Variants in ARHGAP22 observed in about 807,000 individuals in gnomAD.
ARHGAP22 encodes Rho GTPase activating protein 22.
Under a neutral mutation model 59.1 loss-of-function variants are expected in ARHGAP22, and 48 were observed. The observed-to-expected ratio is 0.81, with a 90% CI of 0.64 to 1.03. ARHGAP22 has a LOEUF of 1.03. Among genes scored for constraint, ARHGAP22 ranks in the 50% least tolerant of loss-of-function variants. ARHGAP22 has a pLI of 0.00. For synonymous variants in ARHGAP22, 445 were observed against 416.4 expected, an observed-to-expected ratio of 1.07 and a Z score of -0.84; for missense variants, 1,015 against 958.7, an observed-to-expected ratio of 1.06 and a Z score of -0.78.
At chr10:48,603,949 C>T (rs1488892436) in intron 1 of ARHGAP22, among the ~76,000 whole-genome samples, 1 of 152,260 alleles carries the variant, frequency 6.6e-6, no homozygotes, top group East Asian at 1.9e-4. Flanking sequence ...CCATCCTCCA[C>T]TTCATTGTTT....
intron 1 of ARHGAP22, among the ~76,000 whole-genome samples, chr10:48,587,887 C>T (rs1481520253): frequency 6.6e-6 from 1 of 152,228 alleles, no homozygotes; most frequent in East Asian, 1.9e-4. Context: ...CAGTCCAGCT[C>T]CTCTGAGCAC....
intron 2 of ARHGAP22, among the ~76,000 whole-genome samples, chr10:48,566,709 C>A (rs888402454): frequency 2.2e-4 from 33 of 152,208 alleles, no homozygotes; most frequent in African/African-American, 6.8e-4. Context: ...ATGAGGCTAT[C>A]CATGGTCCTC....
intron 1 of ARHGAP22, among the ~76,000 whole-genome samples, chr10:48,611,540 T>A (rs1363292790): frequency 6.6e-6 from 1 of 151,820 alleles, no homozygotes; most frequent in Non-Finnish European, 1.5e-5. Context: ...AGGTAAAGAG[T>A]CAGATTTTAG....
chr10:48,465,099 T>C (rs1046198188), intron 4 of ARHGAP22, among the ~76,000 whole-genome samples: 1 of 152,068 alleles, frequency 6.6e-6, no homozygotes, highest in African/African-American at 2.4e-5. Flanking sequence ...CCCGCCTGGC[T>C]GAACTCCCTC....
intron 3 of ARHGAP22, among the ~76,000 whole-genome samples, chr10:48,502,284 TG>T (rs1435869819): frequency 6.6e-6 from 1 of 152,148 alleles, no homozygotes; most frequent in Non-Finnish European, 1.5e-5. Context: ...CAGTACCTCG[TG>T]GGGGAAGGAG....
In ARHGAP22 at chr10:48,450,481, C is replaced by T. The variant is rs2045809015; in HGVS notation, c.1648G>A (p.Glu550Lys). ...RSSLHTDWALEPSPLPSSSED... is the reference protein window; with the variant it reads ...RSSLHTDWALKPSPLPSSSED... Reference sequence around the variant, plus strand: ...CTGCTGCTGGGGAGCGGGGAGGGCTCCAGGGCCCAGTCGGTGTGCAGGGAA... The same window carrying T: ...CTGCTGCTGGGGAGCGGGGAGGGCTTCAGGGCCCAGTCGGTGTGCAGGGAA... Residue 550 changes from glutamate (E) to lysine (K), a missense_variant, in exon 9 of 10, where the codon GAG (glutamate) becomes AAG (lysine). Coordinates refer to ENST00000249601, the MANE Select transcript of ARHGAP22 (RefSeq NM_021226.4). The T allele has an allele frequency of 6.5e-7, 1 of 1,536,700 alleles. No individual in the cohort carries two copies. The highest frequency in any genetic ancestry group is 8.8e-7 in the Non-Finnish European group (1 of 1,140,314).
At chr10:48,490,150 G>T (rs1358218375) in intron 3 of ARHGAP22, among the ~76,000 whole-genome samples, 1 of 152,126 alleles carries the variant, frequency 6.6e-6, no homozygotes, top group Non-Finnish European at 1.5e-5. Context: ...ACCTGTAGGG[G>T]GATGAAACCA....
intron 4 of ARHGAP22, among the ~76,000 whole-genome samples, chr10:48,470,326 C>G (rs1327070399): frequency 6.6e-6 from 1 of 152,228 alleles, no homozygotes; most frequent in Non-Finnish European, 1.5e-5. Flanking sequence ...GACTAGCTTA[C>G]CAGGCTCTCC....
chr10:48,457,256 C>T lies in ARHGAP22; in HGVS notation c.660-2122G>A, dbSNP rs552328268. ...TGACTCGCCTCACTCCCCTAGAGTC[C>T]GTTTCTCATCACCCATCCCCACTTC... On this transcript the variant is annotated intron_variant, in intron 5 of 9. Transcript: ENST00000249601. Among the ~76,000 whole-genome samples the T allele has an allele frequency of 1.1e-4, 16 of 152,236 alleles. No homozygotes were observed. The East Asian group carries it at 2.3e-3, about 22-fold the overall frequency.
chr10:48,542,454 C>T (rs995738700), intron 3 of ARHGAP22, among the ~76,000 whole-genome samples: 6 of 152,214 alleles, frequency 3.9e-5, no homozygotes, highest in Admixed American at 1.3e-4. Context: ...GCCAGTGGAG[C>T]GTATGCTGAG....
At chr10:48,593,857 G>A (rs1354911461) in intron 1 of ARHGAP22, among the ~76,000 whole-genome samples, 1 of 152,176 alleles carries the variant, frequency 6.6e-6, no homozygotes, top group African/African-American at 2.4e-5. Context: ...ATTCTCAGCG[G>A]GTGCTCGTGT....
In ARHGAP22 at chr10:48,459,839, G is replaced by T; in HGVS notation, c.504C>A (p.Gly168=). ...CCACCAGCAGGGGCGCCAGGCGGGG[G>T]CCATACTTCCGCTCGTGGTGGACTG... ...EETVHHERKY[G]PRLAPLLVEQ... is the part of the protein sequence containing the mutation. Residue 168 remains glycine (G), a synonymous_variant, in exon 5 of 10, where the codon GGC becomes GGA. Coordinates refer to ENST00000249601, the MANE Select transcript of ARHGAP22 (RefSeq NM_021226.4). 2 of 1,613,206 alleles carry T rather than the reference G, an allele frequency of 1.2e-6. No homozygotes were observed. Among genetic ancestry groups the T allele is most frequent in the Non-Finnish European group, 1.7e-6 (2 of 1,180,026 alleles).
At chr10:48,587,053 C>T (rs1041869383) in intron 1 of ARHGAP22, among the ~76,000 whole-genome samples, 1 of 152,206 alleles carries the variant, frequency 6.6e-6, no homozygotes, top group Non-Finnish European at 1.5e-5. Context: ...CCTCAGCAGC[C>T]CCGTGTGGAG....
intron 4 of ARHGAP22, among the ~76,000 whole-genome samples, chr10:48,475,633 A>G (rs780082238): frequency 2.0e-4 from 31 of 152,186 alleles, no homozygotes; most frequent in Non-Finnish European, 1.6e-4. Flanking sequence ...GCAGGGGAAT[A>G]CCACTGGCTC....
chr10:48,616,613 G>C (rs935023370), intron 1 of ARHGAP22, among the ~76,000 whole-genome samples: 1 of 152,132 alleles, frequency 6.6e-6, no homozygotes. Context: ...ATACACAAAA[G>C]ATCCTCAGTA....
At chr10:48,491,885 T>C (rs539746374) in intron 3 of ARHGAP22, among the ~76,000 whole-genome samples, 11 of 152,376 alleles carry the variant, frequency 7.2e-5, no homozygotes, top group Admixed American at 7.2e-4. Flanking sequence ...CCGGGAAGTC[T>C]GGCTCCTATC....
chr10:48,506,776 A>T (rs1384676544), intron 3 of ARHGAP22, among the ~76,000 whole-genome samples: 1 of 152,170 alleles, frequency 6.6e-6, no homozygotes, highest in Non-Finnish European at 1.5e-5. Flanking sequence ...TGGTGCCCCT[A>T]GAGTTATGTG....
At chr10:48,569,060 G>A (rs1490481296) in intron 2 of ARHGAP22, among the ~76,000 whole-genome samples, 1 of 152,192 alleles carries the variant, frequency 6.6e-6, no homozygotes, top group Non-Finnish European at 1.5e-5. Flanking sequence ...TCCTTGGAGT[G>A]GGTGGGGCCC....
chr10:48,536,616 T>A (rs1416213863), intron 3 of ARHGAP22, among the ~76,000 whole-genome samples: 2 of 152,154 alleles, frequency 1.3e-5, no homozygotes, highest in Non-Finnish European at 2.9e-5. Context: ...TCAAAAAACA[T>A]TTTTCAGACT....
Sources: allele counts gnomAD v4.1 joint callset (sites outside exome capture counted in the v4.1 genomes callset), GRCh38; gene constraint gnomAD v4.1.1; transcripts MANE v1.5; gene names NCBI Gene and HGNC (gene_info 2026-07-23, HGNC 2026-07-21).